Variants in ABHD3 observed in about 807,000 individuals in gnomAD.
ABHD3 encodes abhydrolase domain containing 3, phospholipase.
In ABHD3, 46 loss-of-function variants were observed where a neutral mutation model predicts 48.8. The ratio of observed to expected loss-of-function variants is 0.94; its 90% confidence interval spans 0.74 to 1.20. ABHD3 has a LOEUF of 1.20. Ranked by LOEUF, ABHD3 falls within the 50% of genes most tolerant of loss-of-function variation. ABHD3 has a pLI of 0.00. For synonymous variants in ABHD3, 192 were observed against 183.7 expected (o/e 1.04, Z -0.36); for missense variants, 490 against 497.8 (o/e 0.98, Z 0.15).
intron 1 of ABHD3, 118 bp from the exon 2 acceptor site, chr18:21,703,865 T>C: frequency 3.4e-6 from 4 of 1,159,580 alleles, no homozygotes; most frequent in South Asian, 3.0e-5. Flanking sequence ...CAACTCTTTC[T>C]GGAGGGCTGA....
rs1462869935 is a variant in ABHD3 at position 21,651,618 on chromosome 18, C to A, written c.1203G>T (p.Met401Ile). ...AAGAGAGTTCATGTCCATGCTCAAC[C>A]ATGGCTTGCACAAATTGCTTGAAGA... ...DRVFKQFVQA[M>I]VEHGHELS is the part of the protein sequence containing the mutation. The change falls in exon 9 of 9, where the codon ATG becomes ATT. Residue 401 changes from methionine to isoleucine, a missense_variant. Transcript: ENST00000289119. 1 of 1,614,090 alleles carries A rather than the reference C, an allele frequency of 6.2e-7. No homozygotes were observed. The highest frequency in any genetic ancestry group is 1.1e-5 in the South Asian group (1 of 91,080).
chr18:21,699,417 T>C (rs532487587), intron 3 of ABHD3, among the ~76,000 whole-genome samples: 1 of 152,342 alleles, frequency 6.6e-6, no homozygotes, highest in South Asian at 2.1e-4. Flanking sequence ...ACAGTACCAA[T>C]GACTTAGATC....
chr18:21,669,732 T>C (rs1433726234), intron 4 of ABHD3, among the ~76,000 whole-genome samples: 1 of 152,174 alleles, frequency 6.6e-6, no homozygotes, highest in Non-Finnish European at 1.5e-5. Context: ...ACTTATATTT[T>C]CCTAGTTAAA....
In ABHD3 at chr18:21,651,709, G is replaced by A. The variant is rs146518534; in HGVS notation, c.1112C>T (p.Ser371Phe). The change falls in exon 9 of 9, where the codon TCT becomes TTT. Residue 371 changes from serine to phenylalanine, a missense_variant. Ser to Phe is a radical substitution (Grantham distance 155, BLOSUM62 -2). Transcript: ENST00000289119. ...CAGAAAACCAATATGGCCTCCATAAGAAGTAAGGACCAAAGCAACATTAGG... is the reference window on the plus strand; with the variant it reads ...CAGAAAACCAATATGGCCTCCATAAAAAGTAAGGACCAAAGCAACATTAGG... Reference protein sequence around the residue: ...QNPNVALVLTSYGGHIGFLEG... With the variant: ...QNPNVALVLTFYGGHIGFLEG... 1.4e-5 allele frequency: 23 copies of A among 1,609,766 alleles called. 1 individual carries two copies. In the Middle Eastern group the frequency reaches 1.6e-3, roughly 115 times the overall value.
chr18:21,702,582 T>C (rs2040537555), intron 2 of ABHD3, 84 bp from the exon 3 acceptor site: 6 of 1,214,496 alleles, frequency 4.9e-6, no homozygotes, highest in Non-Finnish European at 3.3e-6. Context: ...TGACATTATT[T>C]GCTCATCAAA....
At position 21,652,190 on chromosome 18, in the gene ABHD3, T is replaced by C. The variant is rs113986338; in HGVS notation, c.1058-427A>G. Reference sequence around the variant, plus strand: ...AGTTAGAAATTCATTAGGTATTATTTTGATTAACTTTACATGATGTGGCTG... The same window carrying C: ...AGTTAGAAATTCATTAGGTATTATTCTGATTAACTTTACATGATGTGGCTG... On this transcript the variant is annotated intron_variant, in intron 8 of 8. Coordinates refer to ENST00000289119, the MANE Select transcript of ABHD3 (RefSeq NM_138340.5). Among the ~76,000 whole-genome samples, 3 of 152,244 alleles carry C rather than the reference T, an allele frequency of 2.0e-5. 1 individual carries two copies. Among genetic ancestry groups the C allele is most frequent in the African/African-American group, 7.2e-5 (3 of 41,542 alleles).
intron 3 of ABHD3, among the ~76,000 whole-genome samples, chr18:21,698,929 G>C (rs2040446102): frequency 6.8e-6 from 1 of 146,462 alleles, no homozygotes; most frequent in African/African-American, 2.6e-5. Context: ...ACCCAACCAA[G>C]TACTTTACAC....
intron 8 of ABHD3, among the ~76,000 whole-genome samples, chr18:21,655,578 G>A (rs1209842882): frequency 6.6e-6 from 1 of 152,194 alleles, no homozygotes; most frequent in Non-Finnish European, 1.5e-5. Flanking sequence ...GGTGGCTCAT[G>A]CCTATAATGC....
At chr18:21,703,909 G>C in intron 1 of ABHD3, 162 bp from the exon 2 acceptor site, 2 of 702,664 alleles carry the variant, frequency 2.8e-6, no homozygotes, top group Non-Finnish European at 4.6e-6. Flanking sequence ...GGACTGAAAC[G>C]GGGGTTTCGC....
chr18:21,676,593 G>A (rs1423454740), intron 4 of ABHD3, among the ~76,000 whole-genome samples: 3 of 152,178 alleles, frequency 2.0e-5, no homozygotes. Context: ...GTTTCACCGT[G>A]TTGGCCAGGC....
intron 3 of ABHD3, among the ~76,000 whole-genome samples, chr18:21,687,570 A>C (rs2146323081): frequency 6.6e-6 from 1 of 152,320 alleles, no homozygotes; most frequent in East Asian, 1.9e-4. Context: ...ACCTCAAACA[A>C]TTCTAAAGGG....
At chr18:21,690,618 T>A (rs1373715946) in intron 3 of ABHD3, among the ~76,000 whole-genome samples, 1 of 150,808 alleles carries the variant, frequency 6.6e-6, no homozygotes, top group South Asian at 2.1e-4. Flanking sequence ...AACAAAAAAA[T>A]CCACCACATT....
chr18:21,664,050 C>G, intron 5 of ABHD3, 68 bp downstream of exon 5: 1 of 1,525,706 alleles, frequency 6.6e-7, no homozygotes, highest in South Asian at 1.3e-5. Flanking sequence ...AGCTTATAGT[C>G]CTCTCAAAGA....
In ABHD3 at chr18:21,676,863, C is replaced by A. The variant is rs1424959145; in HGVS notation, c.555+7057G>T. 3.9e-5 allele frequency among the ~76,000 whole-genome samples: 6 copies of A among 152,208 alleles called. No individual in the cohort carries two copies. In the East Asian group the frequency reaches 7.7e-4, roughly 20 times the overall value. On this transcript the variant is annotated intron_variant, in intron 4 of 8. Coordinates refer to ENST00000289119, the MANE Select transcript of ABHD3 (RefSeq NM_138340.5). Reference sequence around the variant, plus strand: ...CCCTTACCTGCTGAGCCAGCCCTAACTTGAACTAGAAAGCACCTAAAGGAG... The same window carrying A: ...CCCTTACCTGCTGAGCCAGCCCTAAATTGAACTAGAAAGCACCTAAAGGAG...
At chr18:21,678,237 G>A (rs1481020665) in intron 4 of ABHD3, among the ~76,000 whole-genome samples, 3 of 152,216 alleles carry the variant, frequency 2.0e-5, no homozygotes, top group African/African-American at 7.2e-5. Flanking sequence ...TTACAGGTAT[G>A]AGCTACTGTG....
intron 5 of ABHD3, 142 bp from the exon 6 acceptor site, chr18:21,659,485 C>G: frequency 1.4e-6 from 1 of 729,580 alleles, no homozygotes; most frequent in Non-Finnish European, 2.2e-6. Flanking sequence ...GAAAAGCATG[C>G]AAGCATCTTC....
intron 4 of ABHD3, among the ~76,000 whole-genome samples, chr18:21,681,292 T>C (rs2040000325): frequency 6.6e-6 from 1 of 152,186 alleles, no homozygotes; most frequent in Non-Finnish European, 1.5e-5. Context: ...CAAATTCTTC[T>C]AAATTTCCTA....
At chr18:21,700,933 ACAGAGCCAGATTTGGCCTC>A (rs2040496685) in intron 3 of ABHD3, among the ~76,000 whole-genome samples, 4 of 144,988 alleles carry the variant, frequency 2.8e-5, no homozygotes, top group African/African-American at 1.0e-4. Flanking sequence ...ATGCTGGGCA[ACAGAGCCAGATTTGGCCTC>A]AAAAAAAAAA....
At chr18:21,686,022 T>C (rs1409600833) in intron 3 of ABHD3, among the ~76,000 whole-genome samples, 1 of 152,164 alleles carries the variant, frequency 6.6e-6, no homozygotes, top group Non-Finnish European at 1.5e-5. Flanking sequence ...TTATAAGTTA[T>C]TTGTAAAAAC....
Sources: allele counts gnomAD v4.1 joint callset (sites outside exome capture counted in the v4.1 genomes callset), GRCh38; gene constraint gnomAD v4.1.1; transcripts MANE v1.5; gene names NCBI Gene and HGNC (gene_info 2026-07-23, HGNC 2026-07-21).